Variants in CA6 observed in about 807,000 individuals in gnomAD.
CA6 encodes the protein carbonate dehydratase VI.
Under a neutral mutation model 35.9 loss-of-function variants are expected in CA6, and 28 were observed. The observed-to-expected ratio is 0.78, with a 90% CI of 0.58 to 1.07. CA6 has a LOEUF of 1.07. Among genes scored for constraint, CA6 ranks in the 50% least tolerant of loss-of-function variants. CA6 has a pLI of 0.00. For missense variants in CA6, 377 were observed against 382.0 expected, an observed-to-expected ratio of 0.99 and a Z score of 0.11; for synonymous variants, 148 against 152.6, an observed-to-expected ratio of 0.97 and a Z score of 0.22.
chr1:8,974,409 C>T (rs377187876), intron 7 of CA6: 279 of 1,540,736 alleles, frequency 1.8e-4, no homozygotes, highest in Admixed American at 5.7e-4. Context: ...CACCTCAACA[C>T]GCCACCCCTT....
intron 6 of CA6, among the ~76,000 whole-genome samples, chr1:8,968,250 G>A (rs950805062): frequency 6.6e-6 from 1 of 152,014 alleles, no homozygotes; most frequent in African/African-American, 2.4e-5. Flanking sequence ...ACAGGTGTGA[G>A]CCACTGCACC....
intron 7 of CA6, among the ~76,000 whole-genome samples, chr1:8,971,458 C>T (rs1035186655): frequency 6.6e-6 from 1 of 151,920 alleles, no homozygotes; most frequent in East Asian, 1.9e-4. Flanking sequence ...ACTACAGGCA[C>T]CTACCACCAC....
chr1:8,954,173 G>GTT (rs34159260), intron 2 of CA6, among the ~76,000 whole-genome samples: 16 of 140,250 alleles, frequency 1.1e-4, no homozygotes, highest in Admixed American at 4.3e-4. Context: ...CACTACTTCC[G>GTT]TTTTTTTTTT....
rs1178814042 is a variant in CA6 at position 8,973,768 on chromosome 1, CT to C, written c.845-851del. On this transcript the variant is annotated intron_variant, in intron 7 of 7. Transcript: ENST00000377443. ...TCTTTCTTTCTTTCTTTCTTTCTTTCTTTCTTTCTTTCTTTCTTTTCCCTCC... is the reference window on the plus strand; with the variant it reads ...TCTTTCTTTCTTTCTTTCTTTCTTTCTTCTTTCTTTCTTTCTTTTCCCTCC... 6.0e-3 allele frequency among the ~76,000 whole-genome samples: 133 copies of C among 22,012 alleles called. 4 individuals are homozygous for C. Among genetic ancestry groups the C allele is most frequent in the African/African-American group, 0.039 (127 of 3,242 alleles). The allele number at this position is 22,012 out of a possible 152,430, so 14.4% of individuals were successfully genotyped here.
rs1402392543 is a variant in CA6, at chr1:8,974,773, T to A, written c.*69T>A. 4.3e-5 allele frequency: 37 copies of A among 860,676 alleles called. No individual in the cohort carries two copies. The highest frequency in any genetic ancestry group is 6.7e-5 in the Non-Finnish European group (37 of 555,216). The allele number at this position is 860,676 out of a possible 1,614,324, so 53.3% of individuals were successfully genotyped here. The stretch of plus-strand genomic sequence containing the variant: ...GACCTAGCCAGAAGTGCCTGTCCGC[T>A]GCAGCCGCACCCTACCTTGTCTAAG... On this transcript the variant is annotated 3_prime_UTR_variant, in exon 8 of 8. Transcript: ENST00000377443.
rs144483907 is a variant in CA6, at chr1:8,967,750, G to T, written c.663G>T (p.Thr221=). The change falls in exon 6 of 8, where the codon ACG becomes ACT. Residue 221 remains threonine, a synonymous_variant. Transcript: ENST00000377443. ...ACACCTACCATGGCTCACTCACCAC[G>T]CCTCCCTGCACTGAGAACGTCCACT... ...HYYTYHGSLT[T]PPCTENVHWF... is the part of the protein sequence containing the mutation. 1.2e-6 allele frequency: 2 copies of T among 1,613,968 alleles called. No homozygotes were observed. The highest frequency in any genetic ancestry group is 1.3e-5 in the African/African-American group (1 of 74,984).
At chr1:8,967,855 G>A (rs750067238) in intron 6 of CA6, 39 bp downstream of exon 6, 26 of 1,594,230 alleles carry the variant, frequency 1.6e-5, no homozygotes, top group Non-Finnish European at 1.6e-5. Context: ...CTTCCCATTC[G>A]ATTGCCTGGT....
At chr1:8,953,719 ATCG>A (rs1639601716) in intron 2 of CA6, among the ~76,000 whole-genome samples, 1 of 152,192 alleles carries the variant, frequency 6.6e-6, no homozygotes, top group Non-Finnish European at 1.5e-5. Context: ...AGCTTGCTTG[ATCG>A]TATAGTAATG....
intron 2 of CA6, chr1:8,951,288 G>A (rs1467042634): frequency 3.5e-6 from 2 of 578,376 alleles, no homozygotes; most frequent in African/African-American, 3.8e-5. Context: ...GCAAATTGGA[G>A]AATGAAGCTC....
intron 2 of CA6, 66 bp downstream of exon 2, chr1:8,949,508 G>T (rs1319644284): frequency 7.3e-7 from 1 of 1,360,800 alleles, no homozygotes; most frequent in Non-Finnish European, 1.0e-6. Flanking sequence ...CAGGTTACAC[G>T]TGTCCCTGCC....
Position 8,967,812 on chromosome 1 carries a change from C to T in CA6, c.725C>T (p.Thr242Ile). 2 of 1,613,894 alleles carry T rather than the reference C, an allele frequency of 1.2e-6. No homozygotes were observed. The highest frequency in any genetic ancestry group is 1.7e-6 in the Non-Finnish European group (2 of 1,179,872). ...GCAGATTTTGTCAAGCTCTCCAGGA[C>T]ACAGGTAATGTATGGTATCACTTTG... ...VLADFVKLSR[T>I]QVWKLENSLL... Residue 242 changes from threonine (T) to isoleucine (I), a missense_variant, in exon 6 of 8, where the codon ACA (threonine) becomes ATA (isoleucine). Physicochemically the swap from Thr to Ile is moderately conservative, Grantham distance 89 (BLOSUM62 -1). Coordinates refer to ENST00000377443, the MANE Select transcript of CA6 (RefSeq NM_001215.4).
chr1:8,970,956 G>C lies in CA6; in HGVS notation c.819G>C (p.Val273=), dbSNP rs1203453867. The change falls in exon 7 of 8, where the codon GTG becomes GTC. Residue 273 remains valine, a synonymous_variant. Transcript: ENST00000377443. ...YRRTQPLNHR[V]VESNFPNQEY... ...GGACCCAGCCCCTGAACCACAGAGT[G>C]GTGGAATCCAACTTCCCGAATCAGG... 6.2e-7 allele frequency: 1 copy of C among 1,613,382 alleles called. No homozygotes were observed. The highest frequency in any genetic ancestry group is 8.5e-7 in the Non-Finnish European group (1 of 1,179,376).
intron 7 of CA6, among the ~76,000 whole-genome samples, chr1:8,972,176 T>C (rs1260027157): frequency 6.6e-6 from 1 of 151,842 alleles, no homozygotes; most frequent in Non-Finnish European, 1.5e-5. Flanking sequence ...GCCTCCCCAG[T>C]AGCGGAGACT....
chr1:8,954,275 G>A (rs1036613921), intron 2 of CA6, among the ~76,000 whole-genome samples: 6 of 150,642 alleles, frequency 4.0e-5, no homozygotes, highest in South Asian at 2.1e-4. Flanking sequence ...AGTGATTCTC[G>A]TGCCTCAGCC....
chr1:8,973,412 G>A (rs753565257), intron 7 of CA6, among the ~76,000 whole-genome samples: 3 of 152,140 alleles, frequency 2.0e-5, no homozygotes, highest in East Asian at 1.9e-4. Flanking sequence ...ACTGCGTATC[G>A]TTCTATTTGC....
At chr1:8,966,930 C>T (rs1333092991) in intron 5 of CA6, among the ~76,000 whole-genome samples, 1 of 151,984 alleles carries the variant, frequency 6.6e-6, no homozygotes, top group South Asian at 2.1e-4. Flanking sequence ...GGACCAAATG[C>T]CTGTACCTGG....
intron 2 of CA6, chr1:8,951,520 G>A: frequency 1.3e-6 from 1 of 765,166 alleles, no homozygotes; most frequent in South Asian, 1.3e-5. Context: ...CACCCTCCCT[G>A]GACAGCTGGT....
intron 5 of CA6, 67 bp from the exon 6 acceptor site, chr1:8,967,592 C>A: frequency 7.1e-7 from 1 of 1,401,758 alleles, no homozygotes; most frequent in Non-Finnish European, 9.9e-7. Flanking sequence ...AGGCCTGGGC[C>A]TGAGCTGTCC....
chr1:8,960,103 C>T lies in CA6; in HGVS notation c.501+1101C>T, dbSNP rs190201256. ...AAAAGTAGCCAGGCGTGGTGACGCA[C>T]GCCTGTAATCCCAGCTACTTAGGAG... On this transcript the variant is annotated intron_variant, in intron 4 of 7. Coordinates refer to ENST00000377443, the MANE Select transcript of CA6 (RefSeq NM_001215.4). Among the ~76,000 whole-genome samples the T allele has an allele frequency of 2.0e-3, 304 of 151,712 alleles. 1 individual carries two copies. The highest frequency in any genetic ancestry group is 5.1e-3 in the Admixed American group (77 of 15,224).
Sources: allele counts gnomAD v4.1 joint callset (sites outside exome capture counted in the v4.1 genomes callset), GRCh38; gene constraint gnomAD v4.1.1; transcripts MANE v1.5; gene names NCBI Gene and HGNC (gene_info 2026-07-23, HGNC 2026-07-21).